The following TMEM79 variants were observed in gnomAD, a reference collection of about 807,000 sequenced individuals.
TMEM79 encodes transmembrane protein 79.
Under a neutral mutation model 31.2 loss-of-function variants are expected in TMEM79, and 30 were observed. The ratio of observed to expected loss-of-function variants is 0.96; its 90% CI spans 0.72 to 1.30. The LOEUF (loss-of-function observed/expected upper bound fraction) is 1.30. TMEM79 is among the 50% of genes most tolerant of loss of function. The pLI is 0.00. For missense variants in TMEM79, 509 were observed against 528.2 expected, an observed-to-expected ratio of 0.96 and a Z score of 0.36; for synonymous variants, 213 against 229.5, an observed-to-expected ratio of 0.93 and a Z score of 0.65.
chr1:156,289,079 T>A lies in TMEM79; in HGVS notation c.972-2306T>A, dbSNP rs1164898287. Among the ~76,000 whole-genome samples the A allele has an allele frequency of 2.0e-5, 3 of 152,354 alleles. 1 individual carries two copies. In the East Asian group the frequency reaches 5.8e-4, roughly 29 times the overall value. On this transcript the variant is annotated intron_variant, in intron 3 of 3. Transcript: ENST00000405535. The stretch of plus-strand genomic sequence containing the variant: ...ATCCAGGGTCCTTTCTTCTTTACCA[T>A]GGACAAGTTCATTAAGCAGTTTGTG...
At chr1:156,283,622 G>C (rs913372605), upstream of TMEM79, among the ~76,000 whole-genome samples, 2 of 152,188 alleles carry the variant, frequency 1.3e-5, no homozygotes, top group African/African-American at 4.8e-5. Flanking sequence ...AAAAAGCAAG[G>C]GTGGTTTGTT....
Position 156,285,854 on chromosome 1 carries a change from C to A in TMEM79, c.628C>A (p.Leu210Ile). 1 of 1,613,770 alleles carries A rather than the reference C, an allele frequency of 6.2e-7. No homozygotes were observed. The highest frequency in any genetic ancestry group is 8.5e-7 in the Non-Finnish European group (1 of 1,180,022). The change falls in exon 2 of 4, where the codon CTC becomes ATC. Residue 210 changes from leucine to isoleucine, a missense_variant. Transcript: ENST00000405535. ...AVASVGAALI[L>I]FPCLLYGAYA... The stretch of plus-strand genomic sequence containing the variant: ...GGCCTCCGTGGGAGCCGCACTCATT[C>A]TCTTCCCTTGCCTACTATACGGGGC...
At position 156,291,600 on chromosome 1, in the gene TMEM79, C is replaced by T. The variant is rs762102007; in HGVS notation, c.*2C>T. The T allele has an allele frequency of 1.9e-6, 3 of 1,611,088 alleles. No individual in the cohort carries two copies. The highest frequency in any genetic ancestry group is 2.5e-6 in the Non-Finnish European group (3 of 1,179,226). On this transcript the variant is annotated 3_prime_UTR_variant, in exon 4 of 4. Transcript: ENST00000405535. ...TACAGGCCCCGCCCCTGGGGCTGAG[C>T]CTCTCCGCCCTCGCCCTCGGAGTAG...
chr1:156,285,184 G>T lies in TMEM79; in HGVS notation c.-43G>T. On this transcript the variant is annotated splice_region_variant and 5_prime_UTR_variant, in exon 2 of 4. Coordinates refer to ENST00000405535, the MANE Select transcript of TMEM79 (RefSeq NM_032323.3). ...CAGAGCTTTCCTCTGTTCCCTGCAG[G>T]ATGACATGACCTTGTGGTAGATCCC... is the stretch of plus-strand genomic sequence containing the variant. The T allele has an allele frequency of 1.3e-6, 2 of 1,513,000 alleles. No individual in the cohort carries two copies. The highest frequency in any genetic ancestry group is 1.8e-6 in the Non-Finnish European group (2 of 1,132,282). 93.7% of individuals were successfully genotyped at this position (1,513,000 alleles called of 1,614,324 possible).
At chr1:156,285,061 TA>T in intron 1 of TMEM79, 122 bp from the exon 2 acceptor site, 2 of 705,626 alleles carry the variant, frequency 2.8e-6, no homozygotes, top group African/African-American at 1.8e-5. Context: ...ACGTTCTCCC[TA>T]AGGCTCCAGA....
chr1:156,284,828 C>T (rs1006565151), intron 1 of TMEM79, among the ~76,000 whole-genome samples: 5 of 152,210 alleles, frequency 3.3e-5, no homozygotes, highest in Non-Finnish European at 7.3e-5. Flanking sequence ...CTAGACACCT[C>T]TTCTGCCTCC....
intron 3 of TMEM79, 150 bp from the exon 4 acceptor site, chr1:156,291,231 GTTAA>G: frequency 6.3e-6 from 4 of 633,548 alleles, no homozygotes; most frequent in South Asian, 1.8e-5. Context: ...CCTAATACAT[GTTAA>G]GTGCATAAAC....
Position 156,286,347 on chromosome 1 carries a change from G to T in TMEM79, c.845G>T (p.Arg282Leu). The T allele has an allele frequency of 6.2e-7, 1 of 1,614,180 alleles. No individual in the cohort carries two copies. Among genetic ancestry groups the T allele is most frequent in the Non-Finnish European group, 8.5e-7 (1 of 1,180,030 alleles). ...CGGCGGGAGGTGGAGATCCACCGGCGATATGTGGCCCAGTCGGTCCAGCTC... is the reference window on the plus strand; with the variant it reads ...CGGCGGGAGGTGGAGATCCACCGGCTATATGTGGCCCAGTCGGTCCAGCTC... The part of the protein sequence containing the change: ...EPRREVEIHR[R>L]YVAQSVQLFI... The change falls in exon 3 of 4, where the codon CGA becomes CTA. Residue 282 changes from arginine to leucine, a missense_variant. Physicochemically the swap from Arg to Leu is moderately radical, Grantham distance 102. Coordinates refer to ENST00000405535, the MANE Select transcript of TMEM79 (RefSeq NM_032323.3).
chr1:156,291,032 C>A, intron 3 of TMEM79: 2 of 250,568 alleles, frequency 8.0e-6, no homozygotes, highest in Admixed American at 4.9e-5. Flanking sequence ...CCCAGCTACT[C>A]AGGAGTCTGA....
At chr1:156,282,956 G>T (rs1007569673), upstream of TMEM79, 25 of 532,166 alleles carry the variant, frequency 4.7e-5, no homozygotes, top group East Asian at 7.6e-4. Context: ...TGGGCAGCAT[G>T]GCGTCTTTCC....
intron 3 of TMEM79, 74 bp from the exon 4 acceptor site, chr1:156,291,311 C>T: frequency 1.4e-6 from 2 of 1,409,410 alleles, no homozygotes; most frequent in Non-Finnish European, 2.0e-6. Flanking sequence ...TCTACTCCCC[C>T]CACCGTCAGC....
upstream of TMEM79, among the ~76,000 whole-genome samples, chr1:156,283,996 C>T (rs1014269327): frequency 4.6e-5 from 7 of 152,202 alleles, no homozygotes; most frequent in African/African-American, 7.2e-5. Flanking sequence ...AATTGGTGTC[C>T]AGTAAGTATT....
chr1:156,289,289 A>G (rs372148636), intron 3 of TMEM79, among the ~76,000 whole-genome samples: 1 of 152,122 alleles, frequency 6.6e-6, no homozygotes, highest in South Asian at 2.1e-4. Flanking sequence ...CCTGGCTAAC[A>G]CGGTAAAACC....
chr1:156,285,590 C>A lies in TMEM79; in HGVS notation c.364C>A (p.Pro122Thr), dbSNP rs767764059. The change falls in exon 2 of 4, where the codon CCT becomes ACT. Residue 122 changes from proline (P) to threonine (T), a missense_variant. Physicochemically the swap from Pro to Thr is conservative, Grantham distance 38. Transcript: ENST00000405535. ...ELPEDDANLLPEKAARAFVPI... is the reference protein window; with the variant it reads ...ELPEDDANLLTEKAARAFVPI... ...GCCCGAAGACGATGCCAACCTGCTG[C>A]CTGAGAAAGCGGCCCGTGCCTTCGT... 5 of 1,614,226 alleles carry A rather than the reference C, an allele frequency of 3.1e-6. No homozygotes were observed. The highest frequency in any genetic ancestry group is 4.2e-6 in the Non-Finnish European group (5 of 1,180,042).
intron 3 of TMEM79, chr1:156,291,006 G>A (rs1343443421): frequency 4.4e-5 from 10 of 227,094 alleles, no homozygotes; most frequent in Non-Finnish European, 7.9e-5. Context: ...CAGGTGTGGT[G>A]GCCCGCATCT....
At position 156,291,606 on chromosome 1, in the gene TMEM79, C is replaced by A. The variant is rs758888119; in HGVS notation, c.*8C>A. Reference sequence around the variant, plus strand: ...CCCCGCCCCTGGGGCTGAGCCTCTCCGCCCTCGCCCTCGGAGTAGGGGGTA... The same window carrying A: ...CCCCGCCCCTGGGGCTGAGCCTCTCAGCCCTCGCCCTCGGAGTAGGGGGTA... On this transcript the variant is annotated 3_prime_UTR_variant, in exon 4 of 4. Coordinates refer to ENST00000405535, the MANE Select transcript of TMEM79 (RefSeq NM_032323.3). 1.2e-6 allele frequency: 2 copies of A among 1,610,336 alleles called. No individual in the cohort carries two copies. The highest frequency in any genetic ancestry group is 1.7e-6 in the Non-Finnish European group (2 of 1,178,460).
intron 3 of TMEM79, 155 bp from the exon 4 acceptor site, chr1:156,291,230 T>TCTC: frequency 6.3e-6 from 4 of 630,722 alleles, no homozygotes; most frequent in South Asian, 1.8e-5. Flanking sequence ...GCCTAATACA[T>TCTC]GTTAAGTGCA....
Position 156,285,195 on chromosome 1 carries a change from C to A in TMEM79, c.-32C>A. On this transcript the variant is annotated 5_prime_UTR_variant, in exon 2 of 4. Coordinates refer to ENST00000405535, the MANE Select transcript of TMEM79 (RefSeq NM_032323.3). The stretch of plus-strand genomic sequence containing the variant: ...TCTGTTCCCTGCAGGATGACATGAC[C>A]TTGTGGTAGATCCCAGAACTGAGGC... The A allele has an allele frequency of 6.6e-7, 1 of 1,516,968 alleles. No homozygotes were observed. Among genetic ancestry groups the A allele is most frequent in the South Asian group, 1.3e-5 (1 of 74,444 alleles). The allele number at this position is 1,516,968 out of a possible 1,614,324, so 94.0% of individuals were successfully genotyped here.
intron 3 of TMEM79, chr1:156,290,197 T>C (rs1663276148): frequency 6.6e-6 from 1 of 152,208 alleles, no homozygotes; most frequent in African/African-American, 2.4e-5. Context: ...TATGCTGCCA[T>C]ACTTCAGAAA....
Sources: gnomAD v4.1 joint callset for allele counts (sites outside exome capture counted in the v4.1 genomes callset) on GRCh38, gnomAD v4.1.1 for gene constraint, MANE v1.5 for transcripts, NCBI Gene and HGNC (gene_info 2026-07-23, HGNC 2026-07-21) for gene names.